PSD4: variants seen among roughly 807,000 people sequenced by gnomAD.
The protein encoded by PSD4 is PH and SEC7 domain-containing protein 4.
Under a neutral mutation model 112.5 loss-of-function variants are expected in PSD4, and 59 were observed. That is an observed-to-expected ratio of 0.52 (90% CI 0.43 to 0.65). The LOEUF (loss-of-function observed/expected upper bound fraction) is 0.65. Ranked by LOEUF, PSD4 falls within the 30% of genes least tolerant of loss-of-function variation. The pLI is 0.00. For synonymous variants in PSD4, 533 were observed against 540.0 expected, an observed-to-expected ratio of 0.99 and a Z score of 0.18; for missense variants, 1,267 against 1,352.6, an observed-to-expected ratio of 0.94 and a Z score of 0.99.
intron 5 of PSD4, among the ~76,000 whole-genome samples, chr2:113,191,977 G>A (rs989899901): frequency 6.6e-6 from 1 of 152,122 alleles, no homozygotes; most frequent in Non-Finnish European, 1.5e-5. Flanking sequence ...GGAGGCTAGA[G>A]CCAGAGCTGG....
Position 113,201,741 on chromosome 2 carries a change from C to T in PSD4, c.*326C>T. ...TCCAGGCCCCAGAATCCAGAGTGGC[C>T]TCATTTCCTAGACTTGCTGAGAACT... On this transcript the variant is annotated 3_prime_UTR_variant, in exon 17 of 17. Transcript: ENST00000245796. 2.7e-6 allele frequency: 1 copy of T among 368,956 alleles called. No homozygotes were observed. 22.9% of individuals were successfully genotyped at this position (368,956 alleles called of 1,614,324 possible).
intron 1 of PSD4, among the ~76,000 whole-genome samples, chr2:113,176,560 T>G (rs1687986816): frequency 6.6e-6 from 1 of 152,206 alleles, no homozygotes; most frequent in South Asian, 2.1e-4. Context: ...CTCCTTAAAC[T>G]TTCAGAGCCA....
intron 14 of PSD4, 132 bp from the exon 15 acceptor site, chr2:113,198,608 G>A: frequency 1.8e-6 from 2 of 1,130,638 alleles, no homozygotes; most frequent in Non-Finnish European, 2.4e-6. Flanking sequence ...CCGGCTAGTG[G>A]CAGGGCTGTA....
rs1169015451 is a variant in PSD4 at position 113,201,334 on chromosome 2, C to T, written c.3090C>T (p.Thr1030=). 6.2e-7 allele frequency: 1 copy of T among 1,614,194 alleles called. No individual in the cohort carries two copies. Among genetic ancestry groups the T allele is most frequent in the South Asian group, 1.1e-5 (1 of 91,088 alleles). The change falls in exon 17 of 17, where the codon ACC becomes ACT. Residue 1030 remains threonine, a synonymous_variant. Transcript: ENST00000245796. ...CCCTGCACCAGGATGAGGCTCCCAC[C>T]ACGGCCAAGGTGAAGCGCAACATCT... The part of the protein sequence containing the change: ...SPSLHQDEAP[T]TAKVKRNISE...
intron 10 of PSD4, among the ~76,000 whole-genome samples, chr2:113,195,286 G>A (rs1349836126): frequency 1.3e-5 from 2 of 151,876 alleles, no homozygotes; most frequent in Admixed American, 6.6e-5. Context: ...TCAGCCTCCT[G>A]AGTAGCTGGG....
chr2:113,208,089 T>C lies in PSD4; in HGVS notation c.*6674T>C, dbSNP rs1345983574. 2 of 152,120 alleles carry C rather than the reference T, an allele frequency of 1.3e-5. No individual in the cohort carries two copies. The highest frequency in any genetic ancestry group is 2.9e-5 in the Non-Finnish European group (2 of 68,046). The allele number at this position is 152,120 out of a possible 1,614,324, so 9.4% of individuals were successfully genotyped here. A position where few individuals can be genotyped will look rare whatever the true frequency, so the allele number is the denominator to read the frequency against. On this transcript the variant is annotated 3_prime_UTR_variant, in exon 17 of 17. Coordinates refer to ENST00000245796, the MANE Select transcript of PSD4 (RefSeq NM_012455.3). ...TTTCAGTAGAGATGGGGTTTCACCA[T>C]GTTGGTCAGGCTGGTCTCAAACTCC...
intron 11 of PSD4, 90 bp from the exon 12 acceptor site, chr2:113,196,057 A>G: frequency 1.4e-6 from 2 of 1,479,068 alleles, no homozygotes; most frequent in South Asian, 1.3e-5. Flanking sequence ...TCCCAGGAAA[A>G]GAGAGGTTGC....
chr2:113,197,002 G>C (rs761268716), intron 12 of PSD4, among the ~76,000 whole-genome samples: 1 of 152,272 alleles, frequency 6.6e-6, no homozygotes, highest in Non-Finnish European at 1.5e-5. Context: ...AGCATTGGCT[G>C]TGAAGCCGCC....
chr2:113,196,267 C>A lies in PSD4; in HGVS notation c.2346C>A (p.Ile782=), dbSNP rs773941622. 3.1e-6 allele frequency: 5 copies of A among 1,613,912 alleles called. No individual in the cohort carries two copies. The highest frequency in any genetic ancestry group is 4.2e-6 in the Non-Finnish European group (5 of 1,179,780). ...CAGTGCCCACCTACAAGCAGGGCAT[C>A]CTGGCTCGGAAAATGCATCAAGATG... The part of the protein sequence containing the change: ...DPTVPTYKQG[I]LARKMHQDAD... Residue 782 remains isoleucine, a synonymous_variant, in exon 12 of 17, where the codon ATC becomes ATA. Coordinates refer to ENST00000245796, the MANE Select transcript of PSD4 (RefSeq NM_012455.3).
chr2:113,200,118 C>T (rs1688733807), intron 16 of PSD4, among the ~76,000 whole-genome samples: 1 of 131,154 alleles, frequency 7.6e-6, no homozygotes, highest in East Asian at 2.8e-4. Flanking sequence ...GATCCACTGC[C>T]CCGGCCAGTA....
chr2:113,197,298 T>C, intron 12 of PSD4: 1 of 517,436 alleles, frequency 1.9e-6, no homozygotes, highest in South Asian at 2.0e-5. Flanking sequence ...GGAGAGAAGA[T>C]GATATGTATG....
At chr2:113,178,137 G>C (rs1203801744) in intron 1 of PSD4, among the ~76,000 whole-genome samples, 1 of 152,166 alleles carries the variant, frequency 6.6e-6, no homozygotes. Context: ...AGAATCGCTT[G>C]AACCTGGGAG....
At chr2:113,177,233 G>A (rs570142090) in intron 1 of PSD4, among the ~76,000 whole-genome samples, 9 of 152,198 alleles carry the variant, frequency 5.9e-5, no homozygotes, top group Non-Finnish European at 1.2e-4. Flanking sequence ...ACTGGCCCCC[G>A]TGGGGAAGCC....
At position 113,185,367 on chromosome 2, in the gene PSD4, C is replaced by T. The variant is rs1688267749; in HGVS notation, c.1176C>T (p.Ala392=). ...AATGCCTTTGCCTCTCTCAACAGGC[C>T]TCTCTCAGCCCTGAGGGCTGGCAGA... ...GPAAHPVQPW[A]SLSPEGWQRG... Residue 392 remains alanine, a splice_region_variant and synonymous_variant, in exon 4 of 17, where the codon GCC becomes GCT. Transcript: ENST00000245796. 6.2e-7 allele frequency: 1 copy of T among 1,614,050 alleles called. No individual in the cohort carries two copies.
chr2:113,193,830 C>T (rs577572512), intron 9 of PSD4, 29 bp from the exon 10 acceptor site: 12 of 1,607,476 alleles, frequency 7.5e-6, no homozygotes, highest in East Asian at 2.2e-5. Flanking sequence ...GGTGTGTGCT[C>T]GAGTCATCCC....
At position 113,204,059 on chromosome 2, in the gene PSD4, G is replaced by T. The variant is rs1036954422; in HGVS notation, c.*2644G>T. Reference sequence around the variant, plus strand: ...CAGGCACCTCTGCCTGGAGGGTCTGGGTTGTGGGCTGCAGTTATGACATGT... The same window carrying T: ...CAGGCACCTCTGCCTGGAGGGTCTGTGTTGTGGGCTGCAGTTATGACATGT... On this transcript the variant is annotated 3_prime_UTR_variant, in exon 17 of 17. Coordinates refer to ENST00000245796, the MANE Select transcript of PSD4 (RefSeq NM_012455.3). The T allele has an allele frequency of 7.2e-5, 11 of 152,284 alleles. No homozygotes were observed. The highest frequency in any genetic ancestry group is 2.7e-4 in the African/African-American group (11 of 41,450). The allele number at this position is 152,284 out of a possible 1,614,324, so 9.4% of individuals were successfully genotyped here.
Position 113,199,069 on chromosome 2 carries a change from C to A in PSD4, c.2770-14C>A. ...ACGCCCGGGACAGCGCCCCTCACCG[C>A]CCGCTGCTCGCAGGAGGAGCAGCAT... On this transcript the variant is annotated splice_polypyrimidine_tract_variant and intron_variant, in intron 15 of 16. Coordinates refer to ENST00000245796, the MANE Select transcript of PSD4 (RefSeq NM_012455.3). 1 of 1,521,920 alleles carries A rather than the reference C, an allele frequency of 6.6e-7. No homozygotes were observed. Among genetic ancestry groups the A allele is most frequent in the Non-Finnish European group, 8.8e-7 (1 of 1,137,188 alleles). The allele number at this position is 1,521,920 out of a possible 1,614,324, so 94.3% of individuals were successfully genotyped here. A position where few individuals can be genotyped will look rare whatever the true frequency, so the allele number is the denominator to read the frequency against.
intron 10 of PSD4, 140 bp downstream of exon 10, chr2:113,194,088 TA>T: frequency 2.7e-6 from 2 of 744,230 alleles, no homozygotes; most frequent in African/African-American, 1.8e-5. Context: ...GAAGGGCTAG[TA>T]AAAGTGTATT....
chr2:113,185,769 T>G, intron 4 of PSD4, 108 bp from the exon 5 acceptor site: 1 of 1,550,620 alleles, frequency 6.4e-7, no homozygotes, highest in South Asian at 1.2e-5. Context: ...CAGGGCATGC[T>G]GCCAGGCTCC....
Sources: allele counts gnomAD v4.1 joint callset (sites outside exome capture counted in the v4.1 genomes callset), GRCh38; gene constraint gnomAD v4.1.1; transcripts MANE v1.5; gene names NCBI Gene and HGNC (gene_info 2026-07-23, HGNC 2026-07-21).